The following INSR variants were observed in gnomAD, a reference collection of about 807,000 sequenced individuals.
INSR encodes insulin receptor.
A neutral mutation model predicts 142.6 loss-of-function variants in INSR; 67 were observed. The ratio of observed to expected loss-of-function variants is 0.47; its 90% CI spans 0.39 to 0.58. INSR has a LOEUF of 0.58. INSR is among the 20% of genes least tolerant of loss of function. The pLI is 0.00. For missense variants in INSR, 1,248 were observed against 1,833.2 expected (o/e 0.68, Z 5.83); for synonymous variants, 756 against 743.1 (o/e 1.02, Z -0.28).
intron 1 of INSR, among the ~76,000 whole-genome samples, chr19:7,288,168 G>A (rs1393455654): frequency 6.6e-6 from 1 of 151,616 alleles, no homozygotes; most frequent in East Asian, 1.9e-4. Flanking sequence ...GACCAGCCTA[G>A]GCAACATAGC....
intron 2 of INSR, among the ~76,000 whole-genome samples, chr19:7,206,951 G>GAA (rs933232433): frequency 1.3e-5 from 2 of 152,068 alleles, no homozygotes; most frequent in Non-Finnish European, 2.9e-5. Flanking sequence ...GTCTAAAAGG[G>GAA]AAAACACAAA....
chr19:7,223,640 T>C (rs1975689096), intron 2 of INSR, among the ~76,000 whole-genome samples: 1 of 152,220 alleles, frequency 6.6e-6, no homozygotes, highest in Non-Finnish European at 1.5e-5. Flanking sequence ...ATTGAACTCC[T>C]ATTCACCCTT....
intron 5 of INSR, 23 bp from the exon 6 acceptor site, chr19:7,170,774 T>C: frequency 6.4e-7 from 1 of 1,570,096 alleles, no homozygotes; most frequent in Non-Finnish European, 8.8e-7. Context: ...CACACACATC[T>C]AGTCATTCAA....
intron 2 of INSR, among the ~76,000 whole-genome samples, chr19:7,238,754 C>T (rs1399259505): frequency 2.0e-5 from 3 of 151,862 alleles, no homozygotes; most frequent in Admixed American, 6.6e-5. Flanking sequence ...CCTCCATTCC[C>T]TCCATATTCC....
At chr19:7,203,007 T>TTTTGG (rs757467522) in intron 2 of INSR, among the ~76,000 whole-genome samples, 14 of 151,064 alleles carry the variant, frequency 9.3e-5, no homozygotes, top group Non-Finnish European at 8.9e-5. Flanking sequence ...TTTTTTTTTT[T>TTTTGG]TTTTTTTCAG....
At position 7,117,386 on chromosome 19, in the gene INSR, C is replaced by T; in HGVS notation, c.3819G>A (p.Trp1273Ter). The T allele has an allele frequency of 6.2e-7, 1 of 1,613,956 alleles. No homozygotes were observed. ...TTGGCCTCATCTTGGGGTTGAATTG[C>T]CAGCACATGCGCATGAGGTCAGTGC... is the stretch of plus-strand genomic sequence containing the variant. Reference protein sequence around the residue: ...ERVTDLMRMCWQFNPKMRPTF... With the variant: ...ERVTDLMRMC Residue 1273 changes from tryptophan to a stop codon, truncating the protein, a stop_gained, in exon 22 of 22, where the codon TGG becomes TGA. Transcript: ENST00000302850. LOFTEE classifies it low-confidence loss of function (END_TRUNC).
At chr19:7,270,975 T>G (rs1169270146) in intron 1 of INSR, among the ~76,000 whole-genome samples, 1 of 150,816 alleles carries the variant, frequency 6.6e-6, no homozygotes, top group Non-Finnish European at 1.5e-5. Context: ...GGCAGGAGAA[T>G]GGCATGAACC....
intron 17 of INSR, among the ~76,000 whole-genome samples, chr19:7,124,164 C>T (rs894958867): frequency 2.0e-5 from 3 of 151,912 alleles, no homozygotes; most frequent in Admixed American, 6.6e-5. Flanking sequence ...GAGTTCAAGA[C>T]CAGCCTGGCC....
intron 2 of INSR, among the ~76,000 whole-genome samples, chr19:7,219,454 A>AAGAG (rs771018190): frequency 0.059 from 7,856 of 134,258 alleles, 317 homozygotes; most frequent in Non-Finnish European, 0.084. Context: ...AGAGAGAAAG[A>AAGAG]AGAGAGAGAG....
At chr19:7,120,477 G>T in intron 20 of INSR, 143 bp downstream of exon 20, 2 of 915,664 alleles carry the variant, frequency 2.2e-6, no homozygotes, top group Non-Finnish European at 3.5e-6. Context: ...AGTAGCCGTG[G>T]GAAGATCCTA....
intron 11 of INSR, among the ~76,000 whole-genome samples, chr19:7,143,954 CT>C (rs1163613911): frequency 1.3e-5 from 2 of 151,640 alleles, no homozygotes; most frequent in Non-Finnish European, 2.9e-5. Context: ...ACTCAGGAGG[CT>C]GAGGCAAGAG....
At chr19:7,249,456 A>G (rs1238541215) in intron 2 of INSR, among the ~76,000 whole-genome samples, 2 of 152,206 alleles carry the variant, frequency 1.3e-5, no homozygotes, top group African/African-American at 4.8e-5. Flanking sequence ...ACACTAAAAA[A>G]AGGGAGGCCC....
chr19:7,135,180 G>C lies in INSR; in HGVS notation c.2683-2863C>G, dbSNP rs114984484. 4.3e-3 allele frequency among the ~76,000 whole-genome samples: 656 copies of C among 151,382 alleles called. 4 individuals carry two copies. Among genetic ancestry groups the C allele is most frequent in the African/African-American group, 0.015 (629 of 41,282 alleles). ...ACAAATCAGTCTGGTGGCAGGGGTG[G>C]GGGCAGGGAACTCCAGTCCAAAGTT... On this transcript the variant is annotated intron_variant, in intron 13 of 21. Coordinates refer to ENST00000302850, the MANE Select transcript of INSR (RefSeq NM_000208.4).
chr19:7,278,320 C>T (rs1487243738), intron 1 of INSR, among the ~76,000 whole-genome samples: 3 of 152,082 alleles, frequency 2.0e-5, no homozygotes, highest in Non-Finnish European at 4.4e-5. Flanking sequence ...AGAAGATGTA[C>T]CGAGGACATC....
chr19:7,243,047 A>T (rs913354297), intron 2 of INSR, among the ~76,000 whole-genome samples: 10 of 152,134 alleles, frequency 6.6e-5, no homozygotes, highest in African/African-American at 1.9e-4. Flanking sequence ...AGTCTTGAAC[A>T]ATAAAGACAT....
intron 1 of INSR, among the ~76,000 whole-genome samples, chr19:7,275,644 C>G (rs11673363): frequency 0.57 from 85,876 of 151,840 alleles, 25,009 homozygotes; most frequent in African/African-American, 0.69. Context: ...TTAGCGGGGT[C>G]GGGGGAGTGG....
intron 2 of INSR, among the ~76,000 whole-genome samples, chr19:7,253,858 G>A (rs778149152): frequency 1.3e-5 from 2 of 151,616 alleles, no homozygotes; most frequent in African/African-American, 2.4e-5. Context: ...GTGAAACCCC[G>A]TCTTCACTAA....
At position 7,143,026 on chromosome 19, in the gene INSR, C is replaced by T. The variant is rs1327078774; in HGVS notation, c.2332G>A (p.Ala778Thr). Residue 778 changes from alanine (A) to threonine (T), a missense_variant, in exon 12 of 22, where the codon GCA (alanine) becomes ACA (threonine). By Grantham distance (58) the Ala-to-Thr change is moderately conservative. Coordinates refer to ENST00000302850, the MANE Select transcript of INSR (RefSeq NM_000208.4). ...GTCGAGGAAGTGTTGGGGAAAGCTGCCACCGTGGGCACGGCCACCGTCACA... is the reference window on the plus strand; with the variant it reads ...GTCGAGGAAGTGTTGGGGAAAGCTGTCACCGTGGGCACGGCCACCGTCACA... ...GNVTVAVPTVAAFPNTSSTSV... is the reference protein window; with the variant it reads ...GNVTVAVPTVTAFPNTSSTSV... The T allele has an allele frequency of 2.5e-6, 4 of 1,614,044 alleles. No individual in the cohort carries two copies. The highest frequency in any genetic ancestry group is 1.1e-5 in the South Asian group (1 of 91,090).
chr19:7,184,484 G>A lies in INSR; in HGVS notation c.806C>T (p.Pro269Leu), dbSNP rs1448475843. ...GTCCTGGAAGTGGTAGTACGGGGGC[G>A]GGCAGGTCTCCACACACCTGCCGTC... The part of the protein sequence containing the change: ...YLDGRCVETC[P>L]PPYYHFQDWR... The change falls in exon 3 of 22, where the codon CCG becomes CTG. Residue 269 changes from proline (P) to leucine (L), a missense_variant. Physicochemically the swap from Pro to Leu is moderately conservative, Grantham distance 98. This residue lies in a region of INSR where 1,069 missense variants were observed against 1,654.0 expected (regional missense o/e 0.65). Transcript: ENST00000302850. 7 of 1,613,834 alleles carry A rather than the reference G, an allele frequency of 4.3e-6. No homozygotes were observed. In the East Asian group the frequency reaches 6.7e-5, roughly 15 times the overall value.
Sources: allele counts gnomAD v4.1 joint callset (sites outside exome capture counted in the v4.1 genomes callset), GRCh38; gene constraint gnomAD v4.1.1; regional missense constraint gnomAD v4.1.1; transcripts MANE v1.5; gene names NCBI Gene and HGNC (gene_info 2026-07-23, HGNC 2026-07-21).